Variants in ITPR2 observed in about 807,000 individuals in gnomAD.
The protein encoded by ITPR2 is inositol 1,4,5-trisphosphate-gated calcium channel ITPR2.
Under a neutral mutation model 317.1 loss-of-function variants are expected in ITPR2, and 207 were observed. The ratio of observed to expected loss-of-function variants is 0.65; its 90% CI spans 0.58 to 0.73. ITPR2 has a LOEUF of 0.73. Ranked by LOEUF, ITPR2 falls within the 30% of genes least tolerant of loss-of-function variation. The pLI, the probability that ITPR2 is intolerant of heterozygous loss-of-function variation, is 0.00. For synonymous variants in ITPR2, 1,156 were observed against 1,149.1 expected, an observed-to-expected ratio of 1.01 and a Z score of -0.12; for missense variants, 2,613 against 3,284.0, an observed-to-expected ratio of 0.80 and a Z score of 4.99.
intron 37 of ITPR2, among the ~76,000 whole-genome samples, chr12:26,516,850 T>C (rs1943535519): frequency 6.6e-6 from 1 of 151,836 alleles, no homozygotes; most frequent in African/African-American, 2.4e-5. Flanking sequence ...AAAATGGGTA[T>C]TTCAAAAATC....
At chr12:26,699,736 T>A (rs117067647) in intron 9 of ITPR2, among the ~76,000 whole-genome samples, 1 of 152,310 alleles carries the variant, frequency 6.6e-6, no homozygotes, top group East Asian at 1.9e-4. Context: ...CAACGTTAAC[T>A]ATTAAAGGCC....
In ITPR2 at chr12:26,607,311, CA is replaced by C. The variant is rs1018662981; in HGVS notation, c.3463-4606del. On this transcript the variant is annotated intron_variant, in intron 26 of 56. Transcript: ENST00000381340. ...TATCCTCACCTCCCTTCAAAACATGCAAAAAAAAATTTTAATAACCGGTCTT... is the reference window on the plus strand; with the variant it reads ...TATCCTCACCTCCCTTCAAAACATGCAAAAAAAATTTTAATAACCGGTCTT... Among the ~76,000 whole-genome samples, 240 of 151,178 alleles carry C rather than the reference CA, an allele frequency of 1.6e-3. 1 individual carries two copies. The highest frequency in any genetic ancestry group is 5.1e-3 in the African/African-American group (212 of 41,226).
intron 13 of ITPR2, among the ~76,000 whole-genome samples, chr12:26,667,884 G>A (rs1947663301): frequency 6.9e-6 from 1 of 144,400 alleles, no homozygotes; most frequent in Non-Finnish European, 1.5e-5. Context: ...TTAATGGAAT[G>A]ATGACGACGA....
At chr12:26,611,128 T>C (rs1946255758) in intron 26 of ITPR2, among the ~76,000 whole-genome samples, 1 of 152,180 alleles carries the variant, frequency 6.6e-6, no homozygotes, top group South Asian at 2.1e-4. Context: ...TTTCGAACAC[T>C]AGCCCATGGC....
rs144652639 is a variant in ITPR2, at chr12:26,755,630, T to C, written c.164-29865A>G. ...CCAGAATTTGGAAAGTAGTTGTAAG[T>C]ATTCTTAATTTATGGCAATATAGTT... On this transcript the variant is annotated intron_variant, in intron 2 of 56. Transcript: ENST00000381340. Among the ~76,000 whole-genome samples the C allele has an allele frequency of 3.4e-3, 521 of 152,360 alleles. 4 individuals are homozygous for C. Among genetic ancestry groups the C allele is most frequent in the African/African-American group, 0.012 (508 of 41,580 alleles).
chr12:26,661,692 G>A (rs1415929363), intron 15 of ITPR2, among the ~76,000 whole-genome samples: 1 of 152,138 alleles, frequency 6.6e-6, no homozygotes, highest in Admixed American at 6.5e-5. Context: ...TCGTACGGGT[G>A]AAGTGGTGAC....
intron 26 of ITPR2, among the ~76,000 whole-genome samples, chr12:26,608,392 G>A (rs1946186313): frequency 6.6e-6 from 1 of 151,908 alleles, no homozygotes; most frequent in Non-Finnish European, 1.5e-5. Flanking sequence ...AGTGAGGAGC[G>A]CCTCTCCCCG....
intron 45 of ITPR2, among the ~76,000 whole-genome samples, chr12:26,450,842 G>A (rs1169416175): frequency 6.6e-6 from 1 of 152,144 alleles, no homozygotes; most frequent in African/African-American, 2.4e-5. Context: ...TTAGAGTGGA[G>A]GGGGAGGGGA....
intron 21 of ITPR2, among the ~76,000 whole-genome samples, chr12:26,643,995 G>A (rs1444083073): frequency 6.6e-6 from 1 of 152,158 alleles, no homozygotes; most frequent in Non-Finnish European, 1.5e-5. Context: ...CTCAAGGGAA[G>A]CCAGATGCTA....
chr12:26,548,856 T>C (rs184647649), intron 37 of ITPR2, among the ~76,000 whole-genome samples: 52 of 152,154 alleles, frequency 3.4e-4, no homozygotes, highest in Admixed American at 3.3e-3. Flanking sequence ...TATTTTAGAG[T>C]GGTTTGGGAG....
chr12:26,547,882 T>C (rs1389871445), intron 37 of ITPR2, among the ~76,000 whole-genome samples: 1 of 152,230 alleles, frequency 6.6e-6, no homozygotes, highest in African/African-American at 2.4e-5. Flanking sequence ...GCCATAAACC[T>C]GCTAGACAAA....
chr12:26,461,653 T>C (rs11048532), intron 45 of ITPR2, among the ~76,000 whole-genome samples: 79 of 69,156 alleles, frequency 1.1e-3, no homozygotes, highest in Non-Finnish European at 2.2e-3. Context: ...TATATATATA[T>C]ATATATATAT....
chr12:26,574,555 AG>A (rs1565613959), intron 34 of ITPR2, among the ~76,000 whole-genome samples: 1 of 152,206 alleles, frequency 6.6e-6, no homozygotes. Flanking sequence ...ATGGGAGACA[AG>A]AATAGTACTT....
chr12:26,560,534 C>T (rs1218122757), intron 35 of ITPR2, among the ~76,000 whole-genome samples: 1 of 152,132 alleles, frequency 6.6e-6, no homozygotes, highest in African/African-American at 2.4e-5. Context: ...TCCTCTCATG[C>T]CCTGTCTCTA....
At chr12:26,573,972 T>G (rs1945220397) in intron 34 of ITPR2, among the ~76,000 whole-genome samples, 1 of 152,178 alleles carries the variant, frequency 6.6e-6, no homozygotes, top group Non-Finnish European at 1.5e-5. Context: ...CTGTCATCCA[T>G]GTCCGATGAT....
chr12:26,715,812 G>T lies in ITPR2; in HGVS notation c.648C>A (p.Thr216=), dbSNP rs770922269. The T allele has an allele frequency of 6.2e-7, 1 of 1,610,258 alleles. No homozygotes were observed. Among genetic ancestry groups the T allele is most frequent in the Non-Finnish European group, 8.5e-7 (1 of 1,177,086 alleles). Residue 216 remains threonine (T), a synonymous_variant, in exon 7 of 57, where the codon ACC becomes ACA. Coordinates refer to ENST00000381340, the MANE Select transcript of ITPR2 (RefSeq NM_002223.4). ...CKEVNAVNCN[T]SWKITLFMKY... is the part of the protein sequence containing the mutation. ...TCATGAATAAAGTGATTTTCCAGCTGGTGTTGCAATTGACAGCATTCACCT... is the reference window on the plus strand; with the variant it reads ...TCATGAATAAAGTGATTTTCCAGCTTGTGTTGCAATTGACAGCATTCACCT...
At chr12:26,389,204 A>C (rs1334389836) in intron 54 of ITPR2, among the ~76,000 whole-genome samples, 2 of 152,142 alleles carry the variant, frequency 1.3e-5, no homozygotes, top group Non-Finnish European at 2.9e-5. Context: ...AAAACCTAAG[A>C]GAAATGGTGT....
chr12:26,761,052 G>C (rs1194022646), intron 2 of ITPR2, among the ~76,000 whole-genome samples: 1 of 152,144 alleles, frequency 6.6e-6, no homozygotes, highest in Non-Finnish European at 1.5e-5. Context: ...GCCAAGTTCT[G>C]TAGAGCCAGG....
chr12:26,440,867 C>T (rs1468760202), intron 46 of ITPR2, among the ~76,000 whole-genome samples: 1 of 152,128 alleles, frequency 6.6e-6, no homozygotes, highest in Non-Finnish European at 1.5e-5. Flanking sequence ...TCACATTTTA[C>T]AAGCAGCATG....
Sources: gnomAD v4.1 joint callset for allele counts (sites outside exome capture counted in the v4.1 genomes callset) on GRCh38, gnomAD v4.1.1 for gene constraint, MANE v1.5 for transcripts, NCBI Gene and HGNC (gene_info 2026-07-23, HGNC 2026-07-21) for gene names.